Variants in CRACD observed in about 807,000 individuals in gnomAD.
CRACD encodes the protein capping protein inhibiting regulator of actin dynamics, also known as capping protein-inhibiting regulator of actin dynamics.
In CRACD, 56 loss-of-function variants were observed where a neutral mutation model predicts 106.8. That is an observed-to-expected ratio of 0.52 (90% CI 0.42 to 0.66). CRACD has a LOEUF of 0.66. Ranked by LOEUF, CRACD falls within the 30% of genes least tolerant of loss-of-function variation. CRACD has a pLI of 0.00. For synonymous variants in CRACD, 754 were observed against 670.8 expected (o/e 1.12, Z -1.92); for missense variants, 1,730 against 1,623.2 (o/e 1.07, Z -1.13).
rs760341456 is a variant in CRACD at position 56,314,202 on chromosome 4, A to G, written c.700A>G (p.Lys234Glu). The change falls in exon 8 of 11, where the codon AAG (lysine) becomes GAG (glutamate). Residue 234 changes from lysine (K) to glutamate (E), a missense_variant. Physicochemically the swap from Lys to Glu is moderately conservative, Grantham distance 56 (BLOSUM62 1). Transcript: ENST00000682029. This position sits in a 1 kb window ranked among gnomAD's most constrained non-coding sequence, Gnocchi z 4.4. ...QEDYWRELEA[K>E]CKRQKAEAAE... ...AGACTACTGGCGAGAACTGGAGGCC[A>G]AGTGCAAGCGGCAAAAGGCGGAAGC... The G allele has an allele frequency of 1.2e-6, 2 of 1,611,506 alleles. No homozygotes were observed. The highest frequency in any genetic ancestry group is 1.7e-5 in the Admixed American group (1 of 59,242).
At chr4:56,240,525 T>C (rs1740301270) in intron 2 of CRACD, among the ~76,000 whole-genome samples, 1 of 152,150 alleles carries the variant, frequency 6.6e-6, no homozygotes, top group Admixed American at 6.6e-5. Flanking sequence ...TTTTCTTAAA[T>C]TCAAGGCCTC....
At chr4:56,096,641 A>G (rs1004385269) in intron 1 of CRACD, among the ~76,000 whole-genome samples, 3 of 151,886 alleles carry the variant, frequency 2.0e-5, no homozygotes, top group African/African-American at 4.8e-5. Flanking sequence ...TAAAAAAAAA[A>G]AGAGAATAGA....
At chr4:56,148,404 C>T (rs1172528113) in intron 1 of CRACD, among the ~76,000 whole-genome samples, 1 of 152,130 alleles carries the variant, frequency 6.6e-6, no homozygotes, top group Non-Finnish European at 1.5e-5. Context: ...GATCCTCCCA[C>T]CTCAGCCTCC....
At chr4:56,185,626 G>A (rs1737056868) in intron 2 of CRACD, among the ~76,000 whole-genome samples, 1 of 152,138 alleles carries the variant, frequency 6.6e-6, no homozygotes. Context: ...CACCTGCTTC[G>A]CTTTAGTTGC....
chr4:56,288,279 AG>A (rs1743487867), intron 3 of CRACD, among the ~76,000 whole-genome samples: 2 of 151,768 alleles, frequency 1.3e-5, no homozygotes, highest in South Asian at 4.2e-4. Flanking sequence ...GTACATGTAT[AG>A]GTTTGTTACA....
intron 2 of CRACD, among the ~76,000 whole-genome samples, chr4:56,252,178 C>T (rs1741093446): frequency 1.3e-5 from 2 of 152,182 alleles, no homozygotes; most frequent in African/African-American, 4.8e-5. Context: ...TAAGATTCCT[C>T]TTAGTCCAAA....
At chr4:56,260,221 A>G (rs1282388465) in intron 2 of CRACD, among the ~76,000 whole-genome samples, 1 of 152,168 alleles carries the variant, frequency 6.6e-6, no homozygotes, top group Non-Finnish European at 1.5e-5. Flanking sequence ...TTTGTTATCC[A>G]CTTATCATCT....
chr4:56,062,554 T>C (rs967226875), intron 1 of CRACD, among the ~76,000 whole-genome samples: 1 of 152,198 alleles, frequency 6.6e-6, no homozygotes. Context: ...TTACCTTTCA[T>C]TGAGGATTAT....
intron 2 of CRACD, among the ~76,000 whole-genome samples, chr4:56,230,666 C>T (rs1739568418): frequency 6.6e-6 from 1 of 152,154 alleles, no homozygotes; most frequent in African/African-American, 2.4e-5. Flanking sequence ...TGAGCTTAGG[C>T]TCCTAAGGTC....
chr4:56,091,378 T>C (rs1038307510), intron 1 of CRACD, among the ~76,000 whole-genome samples: 1 of 146,742 alleles, frequency 6.8e-6, no homozygotes, highest in Non-Finnish European at 1.5e-5. Flanking sequence ...TTTTTTTTTT[T>C]TAAACGCAGG....
intron 2 of CRACD, among the ~76,000 whole-genome samples, chr4:56,223,128 G>A (rs761665484): frequency 1.3e-5 from 2 of 151,384 alleles, no homozygotes; most frequent in African/African-American, 2.4e-5. Flanking sequence ...TTGACAGTAG[G>A]CAAGAGATAA....
At chr4:56,120,801 T>G (rs1734459377) in intron 1 of CRACD, among the ~76,000 whole-genome samples, 1 of 152,252 alleles carries the variant, frequency 6.6e-6, no homozygotes, top group African/African-American at 2.4e-5. Context: ...GTTAGCAGTT[T>G]GGGCCTTGTT....
intron 2 of CRACD, among the ~76,000 whole-genome samples, chr4:56,240,307 T>C (rs1235083192): frequency 6.6e-6 from 1 of 152,098 alleles, no homozygotes; most frequent in Non-Finnish European, 1.5e-5. Context: ...GGGGGATTCC[T>C]AACACAGACT....
At chr4:56,121,591 C>T (rs1243477834) in intron 1 of CRACD, among the ~76,000 whole-genome samples, 1 of 151,992 alleles carries the variant, frequency 6.6e-6, no homozygotes, top group Non-Finnish European at 1.5e-5. Flanking sequence ...GTGCAGTGAG[C>T]CACTACTGCA....
chr4:56,210,272 G>A (rs1738329611), intron 2 of CRACD, among the ~76,000 whole-genome samples: 1 of 152,194 alleles, frequency 6.6e-6, no homozygotes, highest in African/African-American at 2.4e-5. Flanking sequence ...GTGCAGGTTT[G>A]TTATATAGGT....
intron 1 of CRACD, among the ~76,000 whole-genome samples, chr4:56,132,160 C>T (rs371986740): frequency 2.6e-5 from 4 of 152,174 alleles, no homozygotes; most frequent in African/African-American, 9.7e-5. Context: ...CCTCCCACCT[C>T]AGCCTCTCGA....
At chr4:56,104,352 C>T (rs577649795) in intron 1 of CRACD, among the ~76,000 whole-genome samples, 2 of 152,260 alleles carry the variant, frequency 1.3e-5, no homozygotes, top group African/African-American at 4.8e-5. Flanking sequence ...CATGATTGCA[C>T]CACTGCACTT....
rs771924813 is a variant in CRACD, at chr4:56,251,416, C to T, written c.-188-20905C>T. On this transcript the variant is annotated intron_variant, in intron 2 of 10. Transcript: ENST00000682029. ...ATCAGGTGATGCGATTCAGCAGAGA[C>T]GTGTCTGGTGTGTGCAGATTTTATT... Among the ~76,000 whole-genome samples the T allele has an allele frequency of 3.9e-5, 6 of 152,176 alleles. No individual in the cohort carries two copies. The East Asian group carries it at 7.7e-4, about 20-fold the overall frequency.
chr4:56,279,929 G>T (rs1742924425), intron 3 of CRACD, among the ~76,000 whole-genome samples: 1 of 151,946 alleles, frequency 6.6e-6, no homozygotes, highest in Non-Finnish European at 1.5e-5. Flanking sequence ...TTAAGAAAAT[G>T]TGGCACATAT....
Sources: allele counts gnomAD v4.1 joint callset (sites outside exome capture counted in the v4.1 genomes callset), GRCh38; gene constraint gnomAD v4.1.1; non-coding constraint Gnocchi (gnomAD v3.1); transcripts MANE v1.5; gene names NCBI Gene and HGNC (gene_info 2026-07-23, HGNC 2026-07-21).